Variants in KIAA1549L observed in about 807,000 individuals in gnomAD.
KIAA1549L encodes the protein UPF0606 protein KIAA1549L.
A neutral mutation model predicts 160.7 loss-of-function variants in KIAA1549L; 88 were observed. The ratio of observed to expected loss-of-function variants is 0.55; its 90% CI spans 0.46 to 0.65. The LOEUF (loss-of-function observed/expected upper bound fraction) is 0.65. Among genes scored for constraint, KIAA1549L ranks in the 30% least tolerant of loss-of-function variants. The pLI is 0.00. For synonymous variants in KIAA1549L, 950 were observed against 976.7 expected (o/e 0.97, Z 0.51); for missense variants, 2,258 against 2,437.5 (o/e 0.93, Z 1.55).
At chr11:33,393,059 CCAAACCTTTTGTCGGCTCTT>C (rs1298959900) in intron 1 of KIAA1549L, among the ~76,000 whole-genome samples, 1 of 152,142 alleles carries the variant, frequency 6.6e-6, no homozygotes, top group East Asian at 1.9e-4. Flanking sequence ...ATAAATCGGC[CCAAACCTTTTGTCGGCTCTT>C]CATAACTCAG....
At chr11:33,488,689 G>A (rs186721774) in intron 1 of KIAA1549L, among the ~76,000 whole-genome samples, 7 of 152,286 alleles carry the variant, frequency 4.6e-5, no homozygotes, top group Admixed American at 2.0e-4. Context: ...TCAGAGGTTT[G>A]AACTCAGAAA....
Position 33,670,177 on chromosome 11 carries a change from CAAT to C in KIAA1549L, c.*2031_*2033del, listed in dbSNP as rs1852624737. On this transcript the variant is annotated 3_prime_UTR_variant, in exon 21 of 21. Transcript: ENST00000658780. Reference sequence around the variant, plus strand: ...AATCAGCTACATTGTCCTGCTTTATCAATAATAATATTTCATTAGTGCAATGAT... The same window carrying C: ...AATCAGCTACATTGTCCTGCTTTATCAATAATATTTCATTAGTGCAATGAT... 1.3e-5 allele frequency: 2 copies of C among 152,172 alleles called. No individual in the cohort carries two copies. The highest frequency in any genetic ancestry group is 2.4e-5 in the African/African-American group (1 of 41,436). 9.4% of individuals were successfully genotyped at this position (152,172 alleles called of 1,614,324 possible). A position where few individuals can be genotyped will look rare whatever the true frequency, so the allele number is the denominator to read the frequency against.
Position 33,609,982 on chromosome 11 carries a change from G to T in KIAA1549L, c.5279+16G>T. On this transcript the variant is annotated intron_variant, in intron 15 of 20. Coordinates refer to ENST00000658780, the MANE Select transcript of KIAA1549L (RefSeq NM_012194.3). The stretch of plus-strand genomic sequence containing the variant: ...CTAAAAACAGGTGCAGTCTCTAAGG[G>T]ATTCTGTAAAGGGTGCTGTATCATT... The T allele has an allele frequency of 6.2e-7, 1 of 1,603,466 alleles. No homozygotes were observed. Among genetic ancestry groups the T allele is most frequent in the Non-Finnish European group, 8.5e-7 (1 of 1,170,900 alleles).
chr11:33,590,362 C>T (rs1008349026), intron 11 of KIAA1549L, among the ~76,000 whole-genome samples: 3 of 152,208 alleles, frequency 2.0e-5, no homozygotes, highest in South Asian at 2.1e-4. Flanking sequence ...CCACTTTTAC[C>T]CACCACACTG....
In KIAA1549L at chr11:33,650,849, C is replaced by A. The variant is rs899041976; in HGVS notation, c.5760+4813C>A. Among the ~76,000 whole-genome samples the A allele has an allele frequency of 5.9e-5, 9 of 152,340 alleles. No individual in the cohort carries two copies. In the East Asian group the frequency reaches 9.6e-4, roughly 16 times the overall value. On this transcript the variant is annotated intron_variant, in intron 17 of 20. Coordinates refer to ENST00000658780, the MANE Select transcript of KIAA1549L (RefSeq NM_012194.3). Reference sequence around the variant, plus strand: ...ATACCACCATACTCTTCTTTTCCTGCACCCCGTGGAAGGAGGGGGAATTTT... The same window carrying A: ...ATACCACCATACTCTTCTTTTCCTGAACCCCGTGGAAGGAGGGGGAATTTT...
intron 4 of KIAA1549L, among the ~76,000 whole-genome samples, chr11:33,548,888 G>A (rs1207783264): frequency 6.6e-6 from 1 of 152,114 alleles, no homozygotes; most frequent in Non-Finnish European, 1.5e-5. Flanking sequence ...CAACACCAAG[G>A]ACTAGAAAGG....
At chr11:33,525,342 A>G (rs1397289987) in intron 1 of KIAA1549L, among the ~76,000 whole-genome samples, 1 of 152,216 alleles carries the variant, frequency 6.6e-6, no homozygotes, top group Non-Finnish European at 1.5e-5. Context: ...AACCTTATCT[A>G]GAACTGAAAC....
chr11:33,484,491 A>G (rs1852479205), intron 1 of KIAA1549L, among the ~76,000 whole-genome samples: 1 of 152,250 alleles, frequency 6.6e-6, no homozygotes, highest in Non-Finnish European at 1.5e-5. Flanking sequence ...CGCCATTTAT[A>G]GTCGGAGTGG....
At chr11:33,511,701 A>G (rs936787194) in intron 1 of KIAA1549L, among the ~76,000 whole-genome samples, 4 of 152,204 alleles carry the variant, frequency 2.6e-5, no homozygotes, top group Non-Finnish European at 5.9e-5. Context: ...GAGCTCATGG[A>G]TGGAATTTCC....
chr11:33,552,267 T>C, intron 6 of KIAA1549L, 26 bp downstream of exon 6: 1 of 1,586,476 alleles, frequency 6.3e-7, no homozygotes, highest in Non-Finnish European at 8.6e-7. Context: ...CTTCAGGCTG[T>C]GTAGTTGACA....
chr11:33,643,960 G>A (rs1851653454), intron 16 of KIAA1549L, among the ~76,000 whole-genome samples: 1 of 152,170 alleles, frequency 6.6e-6, no homozygotes, highest in Non-Finnish European at 1.5e-5. Flanking sequence ...TCTCTTAAGA[G>A]CTTCTAAGAG....
At chr11:33,525,778 G>A (rs1220172918) in intron 1 of KIAA1549L, among the ~76,000 whole-genome samples, 1 of 152,058 alleles carries the variant, frequency 6.6e-6, no homozygotes. Context: ...CTGTTGGTGA[G>A]GCATGGTGGG....
At chr11:33,486,399 T>C (rs1852527523) in intron 1 of KIAA1549L, among the ~76,000 whole-genome samples, 1 of 152,226 alleles carries the variant, frequency 6.6e-6, no homozygotes, top group African/African-American at 2.4e-5. Context: ...ATACATTGCT[T>C]GGTTTTTCAA....
At chr11:33,578,859 A>G (rs1433387212) in intron 10 of KIAA1549L, among the ~76,000 whole-genome samples, 1 of 152,078 alleles carries the variant, frequency 6.6e-6, no homozygotes, top group Non-Finnish European at 1.5e-5. Flanking sequence ...GGGCCATAAC[A>G]GTTGTTGTCT....
intron 1 of KIAA1549L, chr11:33,403,487 G>GACAC (rs112066335): frequency 0.63 from 93,397 of 147,184 alleles, 29,540 homozygotes; most frequent in Middle Eastern, 0.71. Flanking sequence ...ACACACATCA[G>GACAC]ACACACATAG....
rs1852730460 is a variant in KIAA1549L at position 33,674,092 on chromosome 11, A to G, written c.*5938A>G. On this transcript the variant is annotated 3_prime_UTR_variant, in exon 21 of 21. Transcript: ENST00000658780. ...GTAAAATAAAATGACAAAGGCTTTC[A>G]TACCCCAAAACCTGCCTGTTTCTCA... 3 of 152,184 alleles carry G rather than the reference A, an allele frequency of 2.0e-5. No homozygotes were observed. The highest frequency in any genetic ancestry group is 2.0e-4 in the Admixed American group (3 of 15,268). The allele number at this position is 152,184 out of a possible 1,614,324, so 9.4% of individuals were successfully genotyped here. A position where few individuals can be genotyped will look rare whatever the true frequency, so the allele number is the denominator to read the frequency against.
In KIAA1549L at chr11:33,543,688, A is replaced by C; in HGVS notation, c.2125A>C (p.Thr709Pro). ...SLSAETGSLS[T>P]ESIISGLQQQ... ...TTCAGCAGAAACTGGATCTCTTTCC[A>C]CAGAATCAATAATATCTGGCTTGCA... The change falls in exon 2 of 21, where the codon ACA becomes CCA. Residue 709 changes from threonine to proline, a missense_variant. Physicochemically the swap from Thr to Pro is conservative, Grantham distance 38 (BLOSUM62 -1). Coordinates refer to ENST00000658780, the MANE Select transcript of KIAA1549L (RefSeq NM_012194.3). The C allele has an allele frequency of 6.2e-7, 1 of 1,614,048 alleles. No homozygotes were observed. Among genetic ancestry groups the C allele is most frequent in the Non-Finnish European group, 8.5e-7 (1 of 1,179,890 alleles).
chr11:33,656,235 T>C (rs1852060684), intron 18 of KIAA1549L, 126 bp downstream of exon 18: 1 of 690,610 alleles, frequency 1.4e-6, no homozygotes, highest in South Asian at 1.7e-5. Context: ...GTGTCACCTG[T>C]ACAGACAACC....
rs1554976830 is a variant in KIAA1549L, at chr11:33,435,818, G to GTGTGTATATATA, written c.238+58930_238+58931insGTGTATATATAT. Reference sequence around the variant, plus strand: ...TATATATATATATATATATGTGTGTGTATATATATATATGTATATGTATAT... The same window carrying GTGTGTATATATA: ...TATATATATATATATATATGTGTGTGTGTGTATATATATATATATATATATGTATATGTATAT... On this transcript the variant is annotated intron_variant, in intron 1 of 20. Transcript: ENST00000658780. 3.4e-3 allele frequency among the ~76,000 whole-genome samples: 156 copies of GTGTGTATATATA among 45,298 alleles called. 12 individuals carry two copies. The highest frequency in any genetic ancestry group is 4.8e-3 in the Admixed American group (19 of 3,920). 29.7% of individuals were successfully genotyped at this position (45,298 alleles called of 152,430 possible).
Sources: allele counts gnomAD v4.1 joint callset (sites outside exome capture counted in the v4.1 genomes callset), GRCh38; gene constraint gnomAD v4.1.1; transcripts MANE v1.5; gene names NCBI Gene and HGNC (gene_info 2026-07-23, HGNC 2026-07-21).